GOLGA8A: variants seen among roughly 807,000 people sequenced by gnomAD.
GOLGA8A encodes golgin A8 family member A, also known as golgin subfamily A member 8A.
Under a neutral mutation model 22.1 loss-of-function variants are expected in GOLGA8A, and 3 were observed. The observed-to-expected ratio is 0.14, with a 90% confidence interval of 0.06 to 0.35. The LOEUF is 0.35. Among genes scored for constraint, GOLGA8A ranks in the 10% least tolerant of loss-of-function variants. The pLI is 1.00. For missense variants in GOLGA8A, 16 were observed against 233.2 expected, an observed-to-expected ratio of 0.07 and a Z score of 6.07; for synonymous variants, 7 against 91.7, an observed-to-expected ratio of 0.08 and a Z score of 5.28.
chr15:34,429,801 A>G (rs1429655426), intron 2 of GOLGA8A, among the ~76,000 whole-genome samples: 1 of 147,548 alleles, frequency 6.8e-6, no homozygotes. Context: ...TCCCGGTTGT[A>G]CCACTGCAGA....
chr15:34,420,481 A>G lies in GOLGA8A; in HGVS notation c.-1122-12746T>C, dbSNP rs563105926. ...GCGGCGCAGGAAAACCCCAGGGTCC[A>G]GCCAGGTCACGGGCACAGGCCTGCA... is the stretch of plus-strand genomic sequence containing the variant. On this transcript the variant is annotated intron_variant, in intron 2 of 24. Coordinates refer to ENST00000359187, the MANE Select transcript of GOLGA8A (RefSeq NM_181077.5). Among the ~76,000 whole-genome samples, 91 of 146,828 alleles carry G rather than the reference A, an allele frequency of 6.2e-4. No individual in the cohort carries two copies. In the South Asian group the frequency reaches 0.012, roughly 20 times the overall value.
intron 2 of GOLGA8A, among the ~76,000 whole-genome samples, chr15:34,420,732 C>A: frequency 8.0e-6 from 1 of 125,668 alleles, no homozygotes; most frequent in South Asian, 2.7e-4. Flanking sequence ...GACTTCATGG[C>A]TGAAAGCGTC....
chr15:34,417,702 C>A (rs1171791563), intron 2 of GOLGA8A: 1 of 146,098 alleles, frequency 6.8e-6, no homozygotes, highest in African/African-American at 2.5e-5. Context: ...TGTTTCCTTC[C>A]TTCTAGGCTC....
At chr15:34,423,688 T>C (rs28684428) in intron 2 of GOLGA8A, among the ~76,000 whole-genome samples, 8,474 of 148,262 alleles carry the variant, frequency 0.057, 1,177 homozygotes, top group African/African-American at 0.2. Flanking sequence ...CCTGGGGCCA[T>C]GGGTCCCAGT....
intron 2 of GOLGA8A, chr15:34,418,920 T>TC (rs1161506746): frequency 1.4e-5 from 2 of 145,950 alleles, no homozygotes; most frequent in Non-Finnish European, 3.0e-5. Context: ...TTTTTTTTTT[T>TC]TGAGACGGAG....
chr15:34,397,501 ACATT>A (rs1891902448), intron 8 of GOLGA8A, among the ~76,000 whole-genome samples: 1 of 148,842 alleles, frequency 6.7e-6, no homozygotes, highest in South Asian at 2.1e-4. Flanking sequence ...TCTTTGGGAA[ACATT>A]CATTGTTTCT....
In GOLGA8A at chr15:34,425,310, G is replaced by A. The variant is rs1388915953; in HGVS notation, c.-1123+10073C>T. ...ACACAGGAGAAACACTCAGAACACA[G>A]CAGCTACTTAACCCATGACAAACCT... On this transcript the variant is annotated intron_variant, in intron 2 of 24. Coordinates refer to ENST00000359187, the MANE Select transcript of GOLGA8A (RefSeq NM_181077.5). Among the ~76,000 whole-genome samples the A allele has an allele frequency of 2.0e-5, 3 of 147,476 alleles. 1 individual carries two copies. The highest frequency in any genetic ancestry group is 4.0e-4 in the East Asian group (2 of 5,048).
In GOLGA8A at chr15:34,416,314, G is replaced by A. The variant is rs529137492; in HGVS notation, c.-1122-8579C>T. 20 of 147,536 alleles carry A rather than the reference G, an allele frequency of 1.4e-4. No homozygotes were observed. In the East Asian group the frequency reaches 4.2e-3, roughly 31 times the overall value. The allele number at this position is 147,536 out of a possible 1,614,324, so 9.1% of individuals were successfully genotyped here. ...TAATATATTCACAAGTGTCTTTAAG[G>A]AGCTATTTTGATACTCTTTTGTCCT... On this transcript the variant is annotated intron_variant, in intron 2 of 24. Transcript: ENST00000359187.
rs531241474 is a variant in GOLGA8A, at chr15:34,432,226, G to C, written c.-1123+3157C>G. On this transcript the variant is annotated intron_variant, in intron 2 of 24. Coordinates refer to ENST00000359187, the MANE Select transcript of GOLGA8A (RefSeq NM_181077.5). ...TCGCTGTATAGGGCCCACGTCATCT[G>C]TGGCATTTCCACGACTCTCCGATGC... Among the ~76,000 whole-genome samples, 30 of 149,364 alleles carry C rather than the reference G, an allele frequency of 2.0e-4. 5 individuals carry two copies. The highest frequency in any genetic ancestry group is 6.9e-4 in the African/African-American group (28 of 40,576).
chr15:34,418,936 C>T (rs1317125288), intron 2 of GOLGA8A: 2 of 140,462 alleles, frequency 1.4e-5, no homozygotes, highest in South Asian at 2.8e-4. Context: ...CGGAGTCTCA[C>T]TCTTGTCGCC....
intron 2 of GOLGA8A, among the ~76,000 whole-genome samples, chr15:34,411,614 AG>A (rs1282658619): frequency 1.3e-5 from 1 of 74,766 alleles, no homozygotes; most frequent in Non-Finnish European, 2.4e-5. Flanking sequence ...CTGTGTTTAC[AG>A]GGGGCTGTGG....
intron 2 of GOLGA8A, among the ~76,000 whole-genome samples, chr15:34,422,803 C>T (rs1341937324): frequency 9.0e-6 from 1 of 111,228 alleles, no homozygotes; most frequent in Non-Finnish European, 2.1e-5. Flanking sequence ...CAGCTCTGTC[C>T]ACAGTGCTCT....
rs1265619736 is a variant in GOLGA8A at position 34,437,422 on chromosome 15, G to GGTCCGCCGCC, written c.-1246_-1237dup. 7.1e-6 allele frequency: 1 copy of GGTCCGCCGCC among 141,238 alleles called. No homozygotes were observed. The highest frequency in any genetic ancestry group is 1.6e-5 in the Non-Finnish European group (1 of 63,806). 8.7% of individuals were successfully genotyped at this position (141,238 alleles called of 1,614,324 possible). A position where few individuals can be genotyped will look rare whatever the true frequency, so the allele number is the denominator to read the frequency against. ...CCTGGCCAGGGCGCGGGGCTGCCCCGGTCCGCCGCCGTCCTCGCCGCGCCG... is the reference window on the plus strand; with the variant it reads ...CCTGGCCAGGGCGCGGGGCTGCCCCGGTCCGCCGCCGTCCGCCGCCGTCCTCGCCGCGCCG... On this transcript the variant is annotated 5_prime_UTR_variant, in exon 1 of 25. Coordinates refer to ENST00000359187, the MANE Select transcript of GOLGA8A (RefSeq NM_181077.5).
At chr15:34,435,640 G>A (rs1387403238) in intron 1 of GOLGA8A, among the ~76,000 whole-genome samples, 169 bp from the exon 2 acceptor site, 1 of 148,840 alleles carries the variant, frequency 6.7e-6, no homozygotes, top group Non-Finnish European at 1.5e-5. Context: ...ACCCACTCCT[G>A]CTCACACACA....
intron 2 of GOLGA8A, among the ~76,000 whole-genome samples, chr15:34,408,606 ACTGC>A (rs201455393): frequency 0.015 from 1,960 of 132,212 alleles, 442 homozygotes; most frequent in South Asian, 0.033. Context: ...CCAAATTAAT[ACTGC>A]CTGCCTGTGC....
At chr15:34,433,250 A>G (rs1475859376) in intron 2 of GOLGA8A, among the ~76,000 whole-genome samples, 1 of 149,246 alleles carries the variant, frequency 6.7e-6, no homozygotes, top group Non-Finnish European at 1.5e-5. Flanking sequence ...AGAGTCTGAC[A>G]TTAGGTACAG....
chr15:34,427,156 C>T lies in GOLGA8A; in HGVS notation c.-1123+8227G>A, dbSNP rs201844627. On this transcript the variant is annotated intron_variant, in intron 2 of 24. Coordinates refer to ENST00000359187, the MANE Select transcript of GOLGA8A (RefSeq NM_181077.5). ...GACCATCCTGGCTAACACGGTGAAACCTCGTCTGTACTAAAAATACAAAAG... is the reference window on the plus strand; with the variant it reads ...GACCATCCTGGCTAACACGGTGAAATCTCGTCTGTACTAAAAATACAAAAG... Among the ~76,000 whole-genome samples the T allele has an allele frequency of 4.2e-4, 61 of 146,378 alleles. 3 individuals carry two copies. The highest frequency in any genetic ancestry group is 1.4e-3 in the African/African-American group (55 of 39,564).
At chr15:34,409,075 CT>C (rs1440666155) in intron 2 of GOLGA8A, among the ~76,000 whole-genome samples, 1 of 137,550 alleles carries the variant, frequency 7.3e-6, no homozygotes, top group African/African-American at 2.6e-5. Context: ...TCTCTCCCCC[CT>C]CCCACCTCTC....
intron 2 of GOLGA8A, among the ~76,000 whole-genome samples, chr15:34,431,327 A>ATCTATC (rs1186788441): frequency 6.1e-5 from 2 of 32,916 alleles, no homozygotes; most frequent in African/African-American, 9.5e-5. Flanking sequence ...ATATATATAT[A>ATCTATC]TATATATATA....
Sources: gnomAD v4.1 joint callset for allele counts (sites outside exome capture counted in the v4.1 genomes callset) on GRCh38, gnomAD v4.1.1 for gene constraint, MANE v1.5 for transcripts, NCBI Gene and HGNC (gene_info 2026-07-23, HGNC 2026-07-21) for gene names.